Variants in GALNT10 observed in about 807,000 individuals in gnomAD.
GALNT10 encodes the protein GalNAc transferase 10.
Under a neutral mutation model 75.0 loss-of-function variants are expected in GALNT10, and 41 were observed. That is an observed-to-expected ratio of 0.55 (90% CI 0.43 to 0.71). The LOEUF is 0.71. Ranked by LOEUF, GALNT10 falls within the 30% of genes least tolerant of loss-of-function variation. The probability of loss-of-function intolerance (pLI) is 0.00; values close to 1 mark genes in which losing one functional copy is unlikely to be tolerated. For synonymous variants in GALNT10, 302 were observed against 313.0 expected, an observed-to-expected ratio of 0.96 and a Z score of 0.37; for missense variants, 727 against 818.5, an observed-to-expected ratio of 0.89 and a Z score of 1.36.
intron 1 of GALNT10, among the ~76,000 whole-genome samples, chr5:154,273,176 T>C (rs153437): frequency 0.27 from 41,132 of 151,868 alleles, 6,004 homozygotes; most frequent in African/African-American, 0.38. Context: ...GTCACAGATA[T>C]AGAGGTGTGG....
intron 2 of GALNT10, among the ~76,000 whole-genome samples, chr5:154,296,450 T>C (rs903542649): frequency 4.6e-5 from 7 of 152,070 alleles, no homozygotes; most frequent in African/African-American, 1.7e-4. Flanking sequence ...TTGCCAGACA[T>C]ACTAGAATTA....
At chr5:154,278,380 T>G (rs924764429) in intron 1 of GALNT10, among the ~76,000 whole-genome samples, 3 of 152,218 alleles carry the variant, frequency 2.0e-5, no homozygotes, top group Non-Finnish European at 4.4e-5. Context: ...AATAAACTTG[T>G]GAAATGCTGG....
At chr5:154,252,358 A>G (rs1397552602) in intron 1 of GALNT10, among the ~76,000 whole-genome samples, 1 of 152,154 alleles carries the variant, frequency 6.6e-6, no homozygotes, top group East Asian at 1.9e-4. Context: ...TAGATTCCTT[A>G]CGGAGCACTA....
chr5:154,261,573 T>A (rs374094124), intron 1 of GALNT10, among the ~76,000 whole-genome samples: 18 of 152,048 alleles, frequency 1.2e-4, no homozygotes, highest in African/African-American at 4.1e-4. Context: ...TAGGTGAGAG[T>A]TTTATTCCTA....
At chr5:154,336,887 A>G (rs1451567454) in intron 4 of GALNT10, among the ~76,000 whole-genome samples, 2 of 152,228 alleles carry the variant, frequency 1.3e-5, no homozygotes, top group African/African-American at 4.8e-5. Context: ...TGTGAAAACC[A>G]TACTGGCCTC....
intron 4 of GALNT10, among the ~76,000 whole-genome samples, chr5:154,353,132 G>A (rs975504386): frequency 6.6e-6 from 1 of 152,102 alleles, no homozygotes; most frequent in Non-Finnish European, 1.5e-5. Flanking sequence ...TCAGGACCTT[G>A]GTTTTTGCTG....
At position 154,401,055 on chromosome 5, in the gene GALNT10, C is replaced by T. The variant is rs563839453; in HGVS notation, c.1057-3049C>T. ...CCCACTGACCAAACCCTCCAGACATCCCAGGAATCTGAGGGCATCCTGGAT... is the reference window on the plus strand; with the variant it reads ...CCCACTGACCAAACCCTCCAGACATTCCAGGAATCTGAGGGCATCCTGGAT... On this transcript the variant is annotated intron_variant, in intron 7 of 11. Transcript: ENST00000297107. Among the ~76,000 whole-genome samples the T allele has an allele frequency of 4.6e-5, 7 of 152,274 alleles. No homozygotes were observed. The South Asian group carries it at 1.5e-3, about 32-fold the overall frequency.
intron 3 of GALNT10, among the ~76,000 whole-genome samples, chr5:154,320,824 G>A (rs756534684): frequency 9.2e-5 from 14 of 152,190 alleles, no homozygotes; most frequent in Admixed American, 3.9e-4. Flanking sequence ...AAGGGAGAGA[G>A]GCTGACTTTT....
rs954706922 is a variant in GALNT10 at position 154,350,908 on chromosome 5, G to A, written c.568+21170G>A. Among the ~76,000 whole-genome samples the A allele has an allele frequency of 8.5e-5, 13 of 152,204 alleles. No homozygotes were observed. The South Asian group carries it at 1.4e-3, about 17-fold the overall frequency. ...TACACCAGAATCACCAGGAGGGCTC[G>A]TTAAAACCTGGTTTGCTGGGTCCCC... On this transcript the variant is annotated intron_variant, in intron 4 of 11. Coordinates refer to ENST00000297107, the MANE Select transcript of GALNT10 (RefSeq NM_198321.4).
chr5:154,350,239 G>A (rs917260514), intron 4 of GALNT10, among the ~76,000 whole-genome samples: 1 of 152,178 alleles, frequency 6.6e-6, no homozygotes, highest in Non-Finnish European at 1.5e-5. Flanking sequence ...TGAGAATGGG[G>A]TAGGGGCCAG....
chr5:154,283,357 G>A (rs993692864), intron 1 of GALNT10, among the ~76,000 whole-genome samples: 3 of 151,792 alleles, frequency 2.0e-5, no homozygotes, highest in Non-Finnish European at 2.9e-5. Context: ...GCTGAGGCAG[G>A]AGGATTGCTT....
chr5:154,192,724 G>C (rs1289572324), intron 1 of GALNT10, among the ~76,000 whole-genome samples: 1 of 152,106 alleles, frequency 6.6e-6, no homozygotes, highest in Non-Finnish European at 1.5e-5. Flanking sequence ...GCTCCATACT[G>C]GACACAGCTC....
intron 1 of GALNT10, among the ~76,000 whole-genome samples, chr5:154,294,318 A>G (rs540376050): frequency 3.9e-4 from 59 of 152,328 alleles, no homozygotes; most frequent in Non-Finnish European, 7.2e-4. Flanking sequence ...TGGCCAACAG[A>G]GTGAGACCTT....
intron 1 of GALNT10, among the ~76,000 whole-genome samples, chr5:154,229,068 T>C (rs1489072198): frequency 6.6e-6 from 1 of 152,236 alleles, no homozygotes; most frequent in Admixed American, 6.5e-5. Flanking sequence ...TTGTTAGGAA[T>C]GTTTCTTCTC....
intron 8 of GALNT10, chr5:154,406,132 A>G (rs1756276614): frequency 6.6e-6 from 1 of 151,996 alleles, no homozygotes; most frequent in South Asian, 2.1e-4. Context: ...CCAGAATTCA[A>G]ACCTGTGTAG....
intron 1 of GALNT10, among the ~76,000 whole-genome samples, chr5:154,210,359 TGCACTTGCATGCACACACACATGCATAC>T (rs1775176789): frequency 6.7e-6 from 1 of 148,842 alleles, no homozygotes; most frequent in Non-Finnish European, 1.5e-5. Context: ...CAGGCACACA[TGCACTTGCATGCACACACACATGCATAC>T]ACACACACAC....
intron 1 of GALNT10, among the ~76,000 whole-genome samples, chr5:154,195,182 C>T (rs1241398937): frequency 6.6e-6 from 1 of 152,232 alleles, no homozygotes; most frequent in African/African-American, 2.4e-5. Context: ...ACAGAGATGG[C>T]ATCAGGATCT....
At chr5:154,385,791 G>A (rs17556048) in intron 6 of GALNT10, among the ~76,000 whole-genome samples, 15,567 of 152,220 alleles carry the variant, frequency 0.1, 930 homozygotes, top group Non-Finnish European at 0.14. Flanking sequence ...CAGAACAAAC[G>A]TCCATGCTGG....
intron 1 of GALNT10, among the ~76,000 whole-genome samples, chr5:154,202,073 A>C (rs1318207943): frequency 6.6e-6 from 1 of 152,184 alleles, no homozygotes; most frequent in Non-Finnish European, 1.5e-5. Context: ...GAGAGTGAAG[A>C]CAGGTTTCCC....
Sources: gnomAD v4.1 joint callset for allele counts (sites outside exome capture counted in the v4.1 genomes callset) on GRCh38, gnomAD v4.1.1 for gene constraint, MANE v1.5 for transcripts, NCBI Gene and HGNC (gene_info 2026-07-23, HGNC 2026-07-21) for gene names.